Variants in ROBO1 observed in about 807,000 individuals in gnomAD.
The protein encoded by ROBO1 is roundabout homolog 1.
Under a neutral mutation model 195.9 loss-of-function variants are expected in ROBO1, and 149 were observed. The observed-to-expected ratio is 0.76, with a 90% CI of 0.67 to 0.87. The LOEUF is 0.87. Ranked by LOEUF, ROBO1 falls within the 40% of genes least tolerant of loss-of-function variation. The pLI is 0.00. For synonymous variants in ROBO1, 816 were observed against 733.2 expected, an observed-to-expected ratio of 1.11 and a Z score of -1.82; for missense variants, 1,933 against 2,068.3, an observed-to-expected ratio of 0.93 and a Z score of 1.27.
chr3:78,963,199 T>C (rs1470623866), intron 3 of ROBO1, among the ~76,000 whole-genome samples: 2 of 151,934 alleles, frequency 1.3e-5, no homozygotes, highest in Non-Finnish European at 2.9e-5. Context: ...TCTAGGAGTT[T>C]GGTATTTAGA....
At chr3:78,807,578 A>G (rs909468052) in intron 4 of ROBO1, among the ~76,000 whole-genome samples, 2 of 152,252 alleles carry the variant, frequency 1.3e-5, no homozygotes, top group Non-Finnish European at 2.9e-5. Flanking sequence ...TAACAGTATT[A>G]CAAGTAATAC....
intron 5 of ROBO1, among the ~76,000 whole-genome samples, chr3:78,745,717 G>A (rs759534744): frequency 2.6e-5 from 4 of 152,152 alleles, no homozygotes; most frequent in Non-Finnish European, 5.9e-5. Flanking sequence ...TCCTTTGGGA[G>A]ACTCATTCTA....
At chr3:78,631,495 G>A (rs1366669533) in intron 24 of ROBO1, among the ~76,000 whole-genome samples, 190 bp from the exon 25 acceptor site, 1 of 152,008 alleles carries the variant, frequency 6.6e-6, no homozygotes, top group African/African-American at 2.4e-5. Context: ...ATGAATAACT[G>A]CAAAATAAAT....
intron 16 of ROBO1, 38 bp downstream of exon 16, chr3:78,660,992 C>T: frequency 7.4e-7 from 1 of 1,353,658 alleles, no homozygotes; most frequent in South Asian, 1.3e-5. Context: ...AACAAATATA[C>T]TGCAATGCAT....
intron 4 of ROBO1, among the ~76,000 whole-genome samples, chr3:78,834,252 A>G (rs12330466): frequency 0.035 from 5,297 of 151,922 alleles, 313 homozygotes; most frequent in African/African-American, 0.12. Context: ...GTCCTAATAA[A>G]GAGGAGAGAA....
At chr3:79,549,742 C>T (rs760985375) in intron 2 of ROBO1, among the ~76,000 whole-genome samples, 19 of 152,184 alleles carry the variant, frequency 1.2e-4, no homozygotes, top group African/African-American at 4.6e-4. Flanking sequence ...ATCCATCCTC[C>T]GTAGACACAA....
At chr3:79,437,644 GC>G (rs1199467077) in intron 2 of ROBO1, among the ~76,000 whole-genome samples, 2 of 151,940 alleles carry the variant, frequency 1.3e-5, no homozygotes, top group Non-Finnish European at 2.9e-5. Context: ...AGTAAAAGCA[GC>G]TAAACATCCT....
intron 3 of ROBO1, among the ~76,000 whole-genome samples, chr3:79,101,117 A>G (rs917997846): frequency 6.6e-6 from 1 of 151,784 alleles, no homozygotes; most frequent in Non-Finnish European, 1.5e-5. Context: ...CTTCACCATG[A>G]TTGAAGAGCA....
At chr3:79,578,679 C>G (rs188267142) in intron 2 of ROBO1, among the ~76,000 whole-genome samples, 1 of 152,212 alleles carries the variant, frequency 6.6e-6, no homozygotes, top group Admixed American at 6.5e-5. Flanking sequence ...TATACAGCTG[C>G]CTAATAATCA....
chr3:79,293,541 C>G (rs1458825466), intron 2 of ROBO1, among the ~76,000 whole-genome samples: 3 of 152,136 alleles, frequency 2.0e-5, no homozygotes, highest in African/African-American at 7.2e-5. Flanking sequence ...CCTCTAAACA[C>G]TGCTTTAGCT....
chr3:78,688,970 A>G (rs950987725), intron 8 of ROBO1, among the ~76,000 whole-genome samples, 198 bp from the exon 9 acceptor site: 2 of 152,250 alleles, frequency 1.3e-5, no homozygotes, highest in Admixed American at 1.3e-4. Flanking sequence ...GAGTTGTTAT[A>G]TGAAGTTTTT....
chr3:79,212,016 G>A (rs142280682), intron 2 of ROBO1, among the ~76,000 whole-genome samples: 3,758 of 152,254 alleles, frequency 0.025, 136 homozygotes, highest in African/African-American at 0.081. Context: ...AAAGGGATGG[G>A]CCAAAATAAA....
chr3:78,852,888 T>C (rs561143957), intron 4 of ROBO1, among the ~76,000 whole-genome samples: 1 of 152,264 alleles, frequency 6.6e-6, no homozygotes, highest in Non-Finnish European at 1.5e-5. Flanking sequence ...TGTGAGCTAT[T>C]TGGCCAACAG....
intron 3 of ROBO1, among the ~76,000 whole-genome samples, chr3:79,107,415 G>C (rs891344943): frequency 6.6e-6 from 1 of 151,582 alleles, no homozygotes; most frequent in Admixed American, 6.6e-5. Flanking sequence ...TAGCAGAGTT[G>C]CAAACATAAA....
chr3:79,618,162 T>C (rs1387355251), intron 1 of ROBO1, among the ~76,000 whole-genome samples: 3 of 151,960 alleles, frequency 2.0e-5, no homozygotes, highest in African/African-American at 7.2e-5. Flanking sequence ...ATATATGCAT[T>C]TGTGAAAGAG....
At chr3:79,550,195 G>GAAAGAAA in intron 2 of ROBO1, among the ~76,000 whole-genome samples, 2 of 100,812 alleles carry the variant, frequency 2.0e-5, no homozygotes, top group African/African-American at 4.7e-5. Context: ...AAGAAAGAAA[G>GAAAGAAA]GAAAAGAAAA....
chr3:79,103,191 C>G (rs2079711255), intron 3 of ROBO1, among the ~76,000 whole-genome samples: 1 of 151,610 alleles, frequency 6.6e-6, no homozygotes, highest in Non-Finnish European at 1.5e-5. Flanking sequence ...ATTAGACTTA[C>G]CAATGTTAAA....
intron 1 of ROBO1, among the ~76,000 whole-genome samples, chr3:79,734,342 C>CA (rs1023546199): frequency 1.3e-5 from 2 of 152,116 alleles, no homozygotes; most frequent in Non-Finnish European, 2.9e-5. Flanking sequence ...GCAAAACAAA[C>CA]AAAAAACATC....
At chr3:79,444,934 G>A (rs2039188330) in intron 2 of ROBO1, among the ~76,000 whole-genome samples, 1 of 151,898 alleles carries the variant, frequency 6.6e-6, no homozygotes, top group Non-Finnish European at 1.5e-5. Flanking sequence ...AAAGGGAGGA[G>A]AGAGGTTAAT....
Sources: gnomAD v4.1 joint callset for allele counts (sites outside exome capture counted in the v4.1 genomes callset) on GRCh38, gnomAD v4.1.1 for gene constraint, MANE v1.5 for transcripts, NCBI Gene and HGNC (gene_info 2026-07-23, HGNC 2026-07-21) for gene names.